Variants in DNAAF4 observed in about 807,000 individuals in gnomAD.
The protein encoded by DNAAF4 is dynein axonemal assembly factor 4.
A neutral mutation model predicts 51.8 loss-of-function variants in DNAAF4; 43 were observed. That is an observed-to-expected ratio of 0.83 (90% CI 0.65 to 1.07). DNAAF4 has a LOEUF of 1.07. DNAAF4 is among the 50% of genes least tolerant of loss of function. The probability of loss-of-function intolerance (pLI) is 0.00; values close to 1 mark genes in which losing one functional copy is unlikely to be tolerated. For missense variants in DNAAF4, 581 were observed against 493.0 expected (o/e 1.18, Z -1.69); for synonymous variants, 194 against 165.6 (o/e 1.17, Z -1.32).
chr15:55,433,146 T>TTA (rs892605440), intron 8 of DNAAF4, among the ~76,000 whole-genome samples: 7 of 151,552 alleles, frequency 4.6e-5, no homozygotes, highest in Non-Finnish European at 1.0e-4. Context: ...CTAAAAATAC[T>TTA]TAAACTAGCC....
intron 3 of DNAAF4, among the ~76,000 whole-genome samples, 190 bp downstream of exon 3, chr15:55,497,522 C>T (rs530880617): frequency 6.6e-6 from 1 of 152,016 alleles, no homozygotes; most frequent in African/African-American, 2.4e-5. Context: ...ATCCCTTGAA[C>T]CCCGGGGGCA....
chr15:55,433,423 G>C (rs2057528364), intron 8 of DNAAF4, among the ~76,000 whole-genome samples: 1 of 152,012 alleles, frequency 6.6e-6, no homozygotes, highest in South Asian at 2.1e-4. Context: ...TCAGGAGATC[G>C]AGACCATCCT....
intron 7 of DNAAF4, among the ~76,000 whole-genome samples, chr15:55,420,859 A>T (rs2057382413): frequency 1.3e-5 from 2 of 152,088 alleles, no homozygotes; most frequent in African/African-American, 4.8e-5. Context: ...TACCTATGGC[A>T]GTGGTGCACT....
chr15:55,439,165 A>T (rs2057666513), intron 7 of DNAAF4, among the ~76,000 whole-genome samples: 1 of 152,196 alleles, frequency 6.6e-6, no homozygotes, highest in African/African-American at 2.4e-5. Context: ...CAGTGGCACA[A>T]TCATAGCTCA....
intron 4 of DNAAF4, among the ~76,000 whole-genome samples, chr15:55,482,402 C>T (rs555260368): frequency 2.0e-5 from 3 of 152,238 alleles, no homozygotes; most frequent in East Asian, 3.9e-4. Flanking sequence ...CAAGGCCAGG[C>T]GTGGTGGCTC....
Position 55,473,221 on chromosome 15 carries a change from A to ATATG in DNAAF4, c.406-6061_406-6060insCATA, listed in dbSNP as rs1555418750. On this transcript the variant is annotated intron_variant, in intron 4 of 9. Transcript: ENST00000321149. ...AAAATATATATATATATATATATAT[A>ATATG]TGTGTGTGTGTATATATATATATGT... 4.3e-3 allele frequency among the ~76,000 whole-genome samples: 417 copies of ATATG among 97,154 alleles called. 21 individuals are homozygous for ATATG. Among genetic ancestry groups the ATATG allele is most frequent in the Non-Finnish European group, 5.2e-3 (255 of 48,982 alleles). 63.7% of individuals were successfully genotyped at this position (97,154 alleles called of 152,430 possible). A position where few individuals can be genotyped will look rare whatever the true frequency, so the allele number is the denominator to read the frequency against.
At chr15:55,461,942 G>C (rs556944299) in intron 5 of DNAAF4, among the ~76,000 whole-genome samples, 2 of 152,126 alleles carry the variant, frequency 1.3e-5, no homozygotes, top group Non-Finnish European at 2.9e-5. Context: ...GAAATGAAAT[G>C]AGAGAAATTA....
intron 5 of DNAAF4, 21 bp downstream of exon 5, chr15:55,466,909 A>G: frequency 3.2e-6 from 5 of 1,581,030 alleles, no homozygotes; most frequent in Non-Finnish European, 4.3e-6. Context: ...TCACTACTCA[A>G]GAAATTCTTA....
At chr15:55,465,003 C>T (rs2058147891) in intron 5 of DNAAF4, among the ~76,000 whole-genome samples, 1 of 152,124 alleles carries the variant, frequency 6.6e-6, no homozygotes, top group African/African-American at 2.4e-5. Flanking sequence ...TGAAAAAATG[C>T]TCAACACCGC....
At chr15:55,497,465 T>C (rs1340000032) in intron 3 of DNAAF4, among the ~76,000 whole-genome samples, 1 of 152,002 alleles carries the variant, frequency 6.6e-6, no homozygotes, top group Non-Finnish European at 1.5e-5. Flanking sequence ...CCGGGCGTGG[T>C]GGCGGACACC....
intron 3 of DNAAF4, among the ~76,000 whole-genome samples, chr15:55,494,177 G>C (rs1469421390): frequency 6.7e-6 from 1 of 148,440 alleles, no homozygotes; most frequent in Non-Finnish European, 1.5e-5. Context: ...TTGCAGGTAT[G>C]CGCCACCATG....
chr15:55,433,815 A>C (rs1179377278), intron 8 of DNAAF4, among the ~76,000 whole-genome samples: 1 of 86,200 alleles, frequency 1.2e-5, no homozygotes, highest in African/African-American at 4.4e-5. Context: ...TATATATAAT[A>C]TATATTATAT....
At chr15:55,458,594 TCTAAAAGTTTGGAAAACATA>T (rs989245287) in intron 5 of DNAAF4, among the ~76,000 whole-genome samples, 2 of 152,026 alleles carry the variant, frequency 1.3e-5, no homozygotes, top group Admixed American at 6.6e-5. Context: ...AGAAGGGAAA[TCTAAAAGTTTGGAAAACATA>T]CTTGAGGGAA....
At chr15:55,506,389 C>T (rs2058727350) in intron 1 of DNAAF4, among the ~76,000 whole-genome samples, 1 of 152,178 alleles carries the variant, frequency 6.6e-6, no homozygotes, top group Non-Finnish European at 1.5e-5. Context: ...TGTCCTACAA[C>T]AGGGTTTTTC....
intron 6 of DNAAF4, among the ~76,000 whole-genome samples, chr15:55,445,156 G>A (rs544059171): frequency 2.6e-5 from 4 of 151,046 alleles, no homozygotes; most frequent in Non-Finnish European, 5.9e-5. Context: ...ATGAACAAAG[G>A]TCTCTGGTTT....
intron 4 of DNAAF4, among the ~76,000 whole-genome samples, chr15:55,488,163 A>G (rs1364825562): frequency 6.6e-6 from 1 of 151,412 alleles, no homozygotes; most frequent in Non-Finnish European, 1.5e-5. Context: ...AGAAGGCCCC[A>G]AAAACAGAGA....
chr15:55,426,442 G>T (rs1292741336), downstream of DNAAF4, among the ~76,000 whole-genome samples: 1 of 152,200 alleles, frequency 6.6e-6, no homozygotes, highest in Non-Finnish European at 1.5e-5. Flanking sequence ...CCCAAAGTTA[G>T]TTCAGCCTAT....
At chr15:55,425,210 A>G (rs1201530039) in intron 7 of DNAAF4, among the ~76,000 whole-genome samples, 1 of 152,204 alleles carries the variant, frequency 6.6e-6, no homozygotes, top group Non-Finnish European at 1.5e-5. Context: ...AATCCTGCCA[A>G]GTTCCTTTAG....
downstream of DNAAF4, among the ~76,000 whole-genome samples, chr15:55,426,760 G>A (rs1341011930): frequency 1.3e-5 from 2 of 152,160 alleles, no homozygotes; most frequent in African/African-American, 4.8e-5. Flanking sequence ...TAAATCATGA[G>A]AGAGAAGATA....
Sources: gnomAD v4.1 joint callset for allele counts (sites outside exome capture counted in the v4.1 genomes callset) on GRCh38, gnomAD v4.1.1 for gene constraint, MANE v1.5 for transcripts, NCBI Gene and HGNC (gene_info 2026-07-23, HGNC 2026-07-21) for gene names.